Variants in TENM3 observed in about 807,000 individuals in gnomAD.
TENM3 encodes the protein teneurin transmembrane protein 3, also known as teneurin-3.
A neutral mutation model predicts 255.1 loss-of-function variants in TENM3; 63 were observed. The ratio of observed to expected loss-of-function variants is 0.25; its 90% confidence interval spans 0.20 to 0.30. The LOEUF (loss-of-function observed/expected upper bound fraction) is 0.30. TENM3 is among the 10% of genes least tolerant of loss of function. TENM3 has a pLI of 1.00. For missense variants in TENM3, 2,929 were observed against 3,461.1 expected (o/e 0.85, Z 3.86); for synonymous variants, 1,306 against 1,322.3 (o/e 0.99, Z 0.27).
chr4:182,437,223 G>C (rs1439485156), intron 3 of TENM3, among the ~76,000 whole-genome samples: 2 of 152,158 alleles, frequency 1.3e-5, no homozygotes, highest in African/African-American at 4.8e-5. Flanking sequence ...AAATAGCTGA[G>C]TGAGCTTCTT....
chr4:181,727,628 G>A, the TENM3 span, among the ~76,000 whole-genome samples: 1 of 152,178 alleles, frequency 6.6e-6, no homozygotes, highest in Admixed American at 6.5e-5. Flanking sequence ...ATTAGGGCAA[G>A]ATAATATTTA....
At chr4:181,529,768 T>G in the TENM3 span, among the ~76,000 whole-genome samples, 3 of 152,198 alleles carry the variant, frequency 2.0e-5, no homozygotes, top group African/African-American at 7.2e-5. Context: ...GATGGCTACT[T>G]TCAGCCAGAG....
intron 22 of TENM3, among the ~76,000 whole-genome samples, chr4:182,763,011 T>C (rs562736928): frequency 3.3e-5 from 5 of 152,292 alleles, no homozygotes; most frequent in Non-Finnish European, 7.3e-5. Context: ...CCACAACTTC[T>C]AGAAAATATT....
the TENM3 span, among the ~76,000 whole-genome samples, chr4:181,715,779 A>G: frequency 6.6e-6 from 1 of 152,356 alleles, no homozygotes; most frequent in Admixed American, 6.5e-5. Context: ...GGGCAGTACC[A>G]ACTCTATTGA....
the TENM3 span, among the ~76,000 whole-genome samples, chr4:181,606,574 T>C: frequency 2.0e-5 from 3 of 152,156 alleles, no homozygotes; most frequent in Non-Finnish European, 4.4e-5. Context: ...AGGGAAAATC[T>C]GGCTTTGCTC....
the TENM3 span, among the ~76,000 whole-genome samples, chr4:181,745,323 A>G: frequency 2.0e-5 from 3 of 152,154 alleles, no homozygotes; most frequent in East Asian, 5.8e-4. Context: ...TAGAGGAGAG[A>G]AATTGGGAAA....
At chr4:181,822,286 T>C in the TENM3 span, among the ~76,000 whole-genome samples, 6 of 152,218 alleles carry the variant, frequency 3.9e-5, no homozygotes, top group Non-Finnish European at 5.9e-5. Context: ...AATGCTTTAA[T>C]AGTGAGTTTA....
the TENM3 span, among the ~76,000 whole-genome samples, chr4:181,477,207 G>T: frequency 8.6e-5 from 13 of 152,042 alleles, no homozygotes; most frequent in African/African-American, 2.4e-4. Flanking sequence ...GCAAATCCCC[G>T]AAATGCTCCT....
At chr4:181,790,186 C>T in the TENM3 span, among the ~76,000 whole-genome samples, 5 of 152,214 alleles carry the variant, frequency 3.3e-5, no homozygotes, top group South Asian at 2.1e-4. Context: ...TGGTGGCCCC[C>T]GGAGGATTGC....
At chr4:181,519,774 G>A in the TENM3 span, among the ~76,000 whole-genome samples, 1 of 152,100 alleles carries the variant, frequency 6.6e-6, no homozygotes, top group Non-Finnish European at 1.5e-5. Flanking sequence ...GCTGGGTGGA[G>A]GAATGTTAGC....
chr4:181,826,620 G>A, the TENM3 span, among the ~76,000 whole-genome samples: 4 of 152,314 alleles, frequency 2.6e-5, no homozygotes, highest in African/African-American at 9.6e-5. Context: ...TCCCAGAGGG[G>A]TTTAAAAGAG....
the TENM3 span, among the ~76,000 whole-genome samples, chr4:181,981,916 T>C: frequency 6.6e-6 from 1 of 152,120 alleles, no homozygotes; most frequent in African/African-American, 2.4e-5. Context: ...CATTAGGTAG[T>C]GAAGTGGTGA....
At chr4:182,534,467 G>T (rs1482588591) in intron 3 of TENM3, among the ~76,000 whole-genome samples, 1 of 152,166 alleles carries the variant, frequency 6.6e-6, no homozygotes, top group Admixed American at 6.5e-5. Flanking sequence ...TCAGGTTAGG[G>T]ATATGCCATG....
the TENM3 span, among the ~76,000 whole-genome samples, chr4:181,554,508 C>T: frequency 6.6e-6 from 1 of 152,256 alleles, no homozygotes; most frequent in African/African-American, 2.4e-5. Flanking sequence ...TCAAGAGAAT[C>T]TAGTTCACCT....
intron 1 of TENM3, among the ~76,000 whole-genome samples, chr4:182,265,477 G>A (rs1231877234): frequency 2.0e-5 from 3 of 152,070 alleles, no homozygotes; most frequent in South Asian, 2.1e-4. Flanking sequence ...GTCTTCTCCC[G>A]TAGTGTTTCC....
At chr4:181,801,730 A>G in the TENM3 span, among the ~76,000 whole-genome samples, 1 of 146,086 alleles carries the variant, frequency 6.8e-6, no homozygotes, top group Non-Finnish European at 1.5e-5. Context: ...CACAAAGCCT[A>G]AAATACTTAC....
chr4:182,396,746 G>A (rs1768844611), intron 3 of TENM3, among the ~76,000 whole-genome samples: 1 of 152,134 alleles, frequency 6.6e-6, no homozygotes, highest in Non-Finnish European at 1.5e-5. Context: ...TGGATCGCCT[G>A]AGGTCAGGAG....
At chr4:182,229,106 A>G (rs934965369) in intron 1 of TENM3, among the ~76,000 whole-genome samples, 1 of 152,220 alleles carries the variant, frequency 6.6e-6, no homozygotes, top group African/African-American at 2.4e-5. Context: ...TTCAGAAAAT[A>G]TGCCGTTGAG....
chr4:182,173,294 T>C (rs1165299353), intron 1 of TENM3, among the ~76,000 whole-genome samples: 1 of 152,186 alleles, frequency 6.6e-6, no homozygotes. Flanking sequence ...GCATCTAAGA[T>C]GACAATGCAA....
Sources: gnomAD v4.1 joint callset for allele counts (sites outside exome capture counted in the v4.1 genomes callset) on GRCh38, gnomAD v4.1.1 for gene constraint, MANE v1.5 for transcripts, NCBI Gene and HGNC (gene_info 2026-07-23, HGNC 2026-07-21) for gene names.